The following PTPRK variants were observed in gnomAD, a reference collection of about 807,000 sequenced individuals.
PTPRK encodes protein tyrosine phosphatase receptor type K, also known as receptor-type tyrosine-protein phosphatase kappa.
Under a neutral mutation model 178.0 loss-of-function variants are expected in PTPRK, and 75 were observed. The observed-to-expected ratio is 0.42, with a 90% confidence interval of 0.35 to 0.51. PTPRK has a LOEUF of 0.51. PTPRK is among the 20% of genes least tolerant of loss of function. PTPRK has a pLI of 0.02. For synonymous variants in PTPRK, 637 were observed against 620.6 expected, an observed-to-expected ratio of 1.03 and a Z score of -0.39; for missense variants, 1,441 against 1,797.8, an observed-to-expected ratio of 0.80 and a Z score of 3.59.
At chr6:128,140,067 C>T (rs759030283) in intron 7 of PTPRK, among the ~76,000 whole-genome samples, 8 of 151,944 alleles carry the variant, frequency 5.3e-5, no homozygotes, top group Non-Finnish European at 1.2e-4. Flanking sequence ...CTATTGCACC[C>T]CTATCTTGCA....
chr6:128,223,977 T>C (rs1393264135), intron 5 of PTPRK, among the ~76,000 whole-genome samples: 2 of 152,184 alleles, frequency 1.3e-5, no homozygotes, highest in Non-Finnish European at 2.9e-5. Context: ...ATATTAGACA[T>C]TGCTTTCTTT....
intron 6 of PTPRK, among the ~76,000 whole-genome samples, chr6:128,215,479 CTTCT>C (rs1320808533): frequency 6.6e-6 from 1 of 152,160 alleles, no homozygotes; most frequent in African/African-American, 2.4e-5. Flanking sequence ...TCTATAAAAA[CTTCT>C]TTGTCAATAG....
chr6:128,507,888 C>T (rs1856600323), intron 1 of PTPRK, among the ~76,000 whole-genome samples: 1 of 152,142 alleles, frequency 6.6e-6, no homozygotes, highest in Non-Finnish European at 1.5e-5. Flanking sequence ...ACTTTGTTTA[C>T]ATTTCGGATT....
chr6:128,087,527 C>A (rs1170206482), intron 8 of PTPRK, among the ~76,000 whole-genome samples: 2 of 151,962 alleles, frequency 1.3e-5, no homozygotes, highest in East Asian at 3.8e-4. Flanking sequence ...CCTAATCATT[C>A]TTTCTTGCAT....
At chr6:128,243,940 TAAGTC>T (rs939497027) in intron 3 of PTPRK, among the ~76,000 whole-genome samples, 5 of 151,790 alleles carry the variant, frequency 3.3e-5, no homozygotes, top group Non-Finnish European at 7.4e-5. Context: ...AGAGAAAAAA[TAAGTC>T]AATATGCTAG....
chr6:128,492,393 A>G (rs1046047031), intron 1 of PTPRK, among the ~76,000 whole-genome samples: 11 of 152,178 alleles, frequency 7.2e-5, no homozygotes, highest in African/African-American at 2.7e-4. Context: ...CATTGTACAT[A>G]TTTAAGCAAC....
chr6:128,033,920 C>T (rs1017853692), intron 13 of PTPRK, among the ~76,000 whole-genome samples: 1 of 151,956 alleles, frequency 6.6e-6, no homozygotes, highest in Non-Finnish European at 1.5e-5. Context: ...AGGAATAGTT[C>T]AGTACACAAC....
At chr6:128,447,900 G>A (rs560162743) in intron 1 of PTPRK, among the ~76,000 whole-genome samples, 2 of 152,246 alleles carry the variant, frequency 1.3e-5, no homozygotes, top group East Asian at 3.9e-4. Context: ...GGGATTACAG[G>A]TGTGAGCCAC....
intron 3 of PTPRK, among the ~76,000 whole-genome samples, chr6:128,295,296 A>G (rs1038817963): frequency 3.9e-5 from 6 of 152,100 alleles, no homozygotes; most frequent in African/African-American, 1.4e-4. Context: ...AAGCCACAAG[A>G]CAGATTTGGC....
intron 21 of PTPRK, among the ~76,000 whole-genome samples, chr6:127,989,836 G>C (rs976314214): frequency 1.3e-5 from 2 of 149,490 alleles, no homozygotes; most frequent in Non-Finnish European, 1.5e-5. Context: ...TTCTTCTACT[G>C]GTATTAACAT....
intron 11 of PTPRK, among the ~76,000 whole-genome samples, chr6:128,078,112 T>C (rs1460107848): frequency 6.6e-6 from 1 of 151,910 alleles, no homozygotes; most frequent in African/African-American, 2.4e-5. Context: ...AAAGCTCTTA[T>C]AACATAGATA....
rs1858583604 is a variant in PTPRK at position 128,519,192 on chromosome 6, T to G, written c.100+1067A>C. The G allele has an allele frequency of 3.9e-5, 18 of 460,866 alleles. 1 individual carries two copies. Among genetic ancestry groups the G allele is most frequent in the South Asian group, 2.8e-4 (18 of 63,954 alleles). 28.5% of individuals were successfully genotyped at this position (460,866 alleles called of 1,614,324 possible). ...TCAGGACTGGCGGGAGGTAGACAAG[T>G]GCTCGGGAGCCCGCTCCCCAGCGTC... On this transcript the variant is annotated intron_variant, in intron 1 of 29. Transcript: ENST00000368226. The surrounding 1 kb of genome is among the most constrained non-coding windows in gnomAD (Gnocchi z 4.3).
At chr6:128,163,028 G>A (rs1798910406) in intron 7 of PTPRK, among the ~76,000 whole-genome samples, 1 of 151,130 alleles carries the variant, frequency 6.6e-6, no homozygotes, top group African/African-American at 2.4e-5. Flanking sequence ...TGCTTAACAT[G>A]TTTCTATTTA....
chr6:128,134,845 A>T (rs1221946218), intron 7 of PTPRK, among the ~76,000 whole-genome samples: 2 of 152,104 alleles, frequency 1.3e-5, no homozygotes, highest in African/African-American at 4.8e-5. Context: ...CTTAATCAGT[A>T]GACTTTGAGT....
chr6:127,997,050 T>C (rs1366402353), intron 16 of PTPRK, 62 bp from the exon 17 acceptor site: 2 of 1,530,388 alleles, frequency 1.3e-6, no homozygotes, highest in Non-Finnish European at 1.8e-6. Flanking sequence ...CAGGTTTATC[T>C]GTTCTGAAGC....
rs147857312 is a variant in PTPRK, at chr6:128,067,747, C to A, written c.1929G>T (p.Lys643Asn). ...AGCATTCCATGGCTCCGGCTTCTCTCTTGGTTCGGTGTGGGTGCAGTTCTT... is the reference window on the plus strand; with the variant it reads ...AGCATTCCATGGCTCCGGCTTCTCTATTGGTTCGGTGTGGGTGCAGTTCTT... ...VVEELHPHRT[K>N]REAGAMECYQ... The change falls in exon 12 of 30, where the codon AAG becomes AAT. Residue 643 changes from lysine (K) to asparagine (N), a missense_variant. Around this residue, in one of 4 missense-constraint regions of PTPRK, gnomAD observed 945 missense variants for 1,080.6 expected, o/e 0.87. Transcript: ENST00000368226. 1.5e-5 allele frequency: 24 copies of A among 1,612,684 alleles called. No individual in the cohort carries two copies. The highest frequency in any genetic ancestry group is 2.0e-5 in the Non-Finnish European group (24 of 1,179,246).
intron 3 of PTPRK, among the ~76,000 whole-genome samples, chr6:128,276,124 T>C (rs1465395346): frequency 6.6e-6 from 1 of 152,100 alleles, no homozygotes. Context: ...ATGTCTTAAC[T>C]ATAAATGCCA....
intron 2 of PTPRK, chr6:128,340,770 T>C: frequency 2.1e-6 from 1 of 484,626 alleles, no homozygotes; most frequent in Non-Finnish European, 4.0e-6. Context: ...TTGTTTTATA[T>C]TTTACATTTC....
At chr6:128,198,854 T>C (rs1294358514) in intron 6 of PTPRK, among the ~76,000 whole-genome samples, 2 of 152,210 alleles carry the variant, frequency 1.3e-5, no homozygotes, top group African/African-American at 4.8e-5. Context: ...AAGGACTGTA[T>C]ATTGTTTGCC....
Sources: allele counts gnomAD v4.1 joint callset (sites outside exome capture counted in the v4.1 genomes callset), GRCh38; gene constraint gnomAD v4.1.1; regional missense constraint gnomAD v4.1.1; non-coding constraint Gnocchi (gnomAD v3.1); transcripts MANE v1.5; gene names NCBI Gene and HGNC (gene_info 2026-07-23, HGNC 2026-07-21).